RP1: variants seen among roughly 807,000 people sequenced by gnomAD.
RP1 encodes the protein oxygen-regulated protein 1.
In RP1, 16 loss-of-function variants were observed where a neutral mutation model predicts 14.8. That is an observed-to-expected ratio of 1.08 (90% CI 0.73 to 1.65). The LOEUF (loss-of-function observed/expected upper bound fraction) is 1.65. Among genes scored for constraint, RP1 ranks in the 40% most tolerant of loss-of-function variants. The pLI is 0.00. For missense variants in RP1, 2,631 were observed against 2,535.0 expected (o/e 1.04, Z -0.81); for synonymous variants, 876 against 883.6 (o/e 0.99, Z 0.15).
chr8:54,764,377 C>T (rs933921548), intron 22 of RP1, among the ~76,000 whole-genome samples: 5 of 152,338 alleles, frequency 3.3e-5, no homozygotes, highest in East Asian at 3.9e-4. Flanking sequence ...ATGGCCATTC[C>T]GTGGTGCCTG....
At chr8:54,782,217 C>A (rs924234218) in intron 23 of RP1, among the ~76,000 whole-genome samples, 2 of 152,100 alleles carry the variant, frequency 1.3e-5, no homozygotes, top group East Asian at 3.9e-4. Flanking sequence ...TGGCTGGCTG[C>A]GGGGTAGAAG....
At chr8:54,672,045 C>G (rs1007022773) in intron 7 of RP1, among the ~76,000 whole-genome samples, 12 of 152,124 alleles carry the variant, frequency 7.9e-5, no homozygotes, top group African/African-American at 2.9e-4. Flanking sequence ...TGTGTCTTCC[C>G]TGGGCTTATA....
intron 27 of RP1, among the ~76,000 whole-genome samples, chr8:54,862,239 T>C (rs1812357579): frequency 6.6e-6 from 1 of 152,220 alleles, no homozygotes; most frequent in Non-Finnish European, 1.5e-5. Flanking sequence ...GATAAACTAC[T>C]AGTTTCAAAA....
chr8:54,583,204 C>T (rs1317531286), intron 1 of RP1, among the ~76,000 whole-genome samples: 3 of 152,120 alleles, frequency 2.0e-5, no homozygotes, highest in African/African-American at 7.2e-5. Flanking sequence ...GAGTTTTTAG[C>T]ATGAAGGGTT....
At chr8:54,706,877 C>G (rs1413261359) in intron 15 of RP1, among the ~76,000 whole-genome samples, 1 of 152,118 alleles carries the variant, frequency 6.6e-6, no homozygotes, top group African/African-American at 2.4e-5. Context: ...AATGTATGTA[C>G]AAATCACCTG....
chr8:54,823,466 G>T (rs532467314), intron 24 of RP1, among the ~76,000 whole-genome samples: 1 of 152,186 alleles, frequency 6.6e-6, no homozygotes, highest in South Asian at 2.1e-4. Context: ...GTGCAGCTGG[G>T]ATTACAGGCT....
chr8:54,583,633 A>C (rs752414901), intron 1 of RP1, among the ~76,000 whole-genome samples: 14 of 152,166 alleles, frequency 9.2e-5, no homozygotes, highest in Non-Finnish European at 1.6e-4. Flanking sequence ...CTGGTCCTGT[A>C]CTTTTTTTCA....
intron 24 of RP1, among the ~76,000 whole-genome samples, chr8:54,804,422 C>T (rs572697684): frequency 9.2e-5 from 14 of 152,122 alleles, no homozygotes; most frequent in African/African-American, 2.9e-4. Context: ...ATCATTTTGC[C>T]GGTGCTAGTT....
intron 1 of RP1, among the ~76,000 whole-genome samples, chr8:54,565,297 G>A (rs1282214227): frequency 6.6e-6 from 1 of 152,186 alleles, no homozygotes; most frequent in Admixed American, 6.5e-5. Flanking sequence ...GGGTGTGGTG[G>A]CTCATGCCTG....
At chr8:54,601,669 C>T (rs1444729908) in intron 1 of RP1, among the ~76,000 whole-genome samples, 1 of 149,374 alleles carries the variant, frequency 6.7e-6, no homozygotes, top group African/African-American at 2.5e-5. Context: ...GTATTATCTG[C>T]AGGAGCCCCA....
chr8:54,836,447 C>T (rs1585734033), intron 24 of RP1, among the ~76,000 whole-genome samples: 1 of 152,134 alleles, frequency 6.6e-6, no homozygotes, highest in African/African-American at 2.4e-5. Context: ...TACAGTTGGG[C>T]CTACTCTAAG....
chr8:54,823,028 T>C (rs1417291930), intron 24 of RP1, among the ~76,000 whole-genome samples: 2 of 152,214 alleles, frequency 1.3e-5, no homozygotes, highest in African/African-American at 4.8e-5. Flanking sequence ...CACATAATAA[T>C]AGTTCAGTAT....
intron 8 of RP1, chr8:54,678,416 C>A: frequency 6.9e-7 from 1 of 1,439,686 alleles, no homozygotes; most frequent in Non-Finnish European, 9.4e-7. Context: ...TATTATTAGG[C>A]CATATTTATT....
Position 54,626,066 on chromosome 8 carries a change from G to GGAA in RP1, c.2187_2189dup (p.Glu729dup). On this transcript the variant is annotated inframe_insertion, in exon 4 of 4. Coordinates refer to ENST00000220676, the MANE Select transcript of RP1 (RefSeq NM_006269.2). ...CCCTTAAAGGAGGGATACTTTGTGAGGAAGACCTCCAGAAAAGTGATACTG... is the reference window on the plus strand; with the variant it reads ...CCCTTAAAGGAGGGATACTTTGTGAGGAAGAAGACCTCCAGAAAAGTGATACTG... 1 of 1,613,514 alleles carries GGAA rather than the reference G, an allele frequency of 6.2e-7. No homozygotes were observed. The highest frequency in any genetic ancestry group is 8.5e-7 in the Non-Finnish European group (1 of 1,179,654).
intron 12 of RP1, chr8:54,696,770 C>T: frequency 1.4e-6 from 1 of 727,340 alleles, no homozygotes; most frequent in South Asian, 1.4e-5. Flanking sequence ...AAAAGTCACC[C>T]CCCAGAACCT....
chr8:54,766,306 A>G (rs779719571), intron 22 of RP1, among the ~76,000 whole-genome samples: 3 of 152,164 alleles, frequency 2.0e-5, no homozygotes, highest in Non-Finnish European at 2.9e-5. Flanking sequence ...TTTTATAGGG[A>G]GAAGGGAATA....
chr8:54,679,361 G>T, intron 9 of RP1: 4 of 1,403,736 alleles, frequency 2.8e-6, no homozygotes, highest in South Asian at 1.2e-5. Flanking sequence ...GAAGATAATT[G>T]CCAATGGTTA....
chr8:54,612,096 A>G (rs1171909359), upstream of RP1, among the ~76,000 whole-genome samples: 4 of 152,162 alleles, frequency 2.6e-5, no homozygotes, highest in Non-Finnish European at 5.9e-5. Flanking sequence ...TCTCATCTTT[A>G]AGTGCCTAGT....
At chr8:54,670,555 ATATATATACATATATATGTATGTATATG>A (rs1563343186) in intron 7 of RP1, among the ~76,000 whole-genome samples, 35 of 139,718 alleles carry the variant, frequency 2.5e-4, no homozygotes, top group African/African-American at 5.8e-4. Flanking sequence ...ATGTATATGT[ATATATATACATATATATGTATGTATATG>A]TATATATATA....
Sources: allele counts gnomAD v4.1 joint callset (sites outside exome capture counted in the v4.1 genomes callset), GRCh38; gene constraint gnomAD v4.1.1; transcripts MANE v1.5; gene names NCBI Gene and HGNC (gene_info 2026-07-23, HGNC 2026-07-21).